Variants in STAT5B observed in about 807,000 individuals in gnomAD.
STAT5B encodes transcription factor STAT5B.
STAT5B carries 21 observed loss-of-function variants against 107.8 expected under a neutral mutation model. The ratio of observed to expected loss-of-function variants is 0.19; its 90% CI spans 0.14 to 0.28. STAT5B has a LOEUF of 0.28. Among genes scored for constraint, STAT5B ranks in the 10% least tolerant of loss-of-function variants. The pLI, the probability that STAT5B is intolerant of heterozygous loss-of-function variation, is 1.00. For missense variants in STAT5B, 565 were observed against 1,008.2 expected (o/e 0.56, Z 5.95); for synonymous variants, 325 against 401.7 (o/e 0.81, Z 2.28).
Position 42,202,396 on chromosome 17 carries a change from G to C in STAT5B, c.2181C>G (p.Asp727Glu). Reference protein sequence around the residue: ...DAGGGSATYMDQAPSPAVCPQ... With the variant: ...DAGGGSATYMEQAPSPAVCPQ... ...GACACACAGCTGGGGAGGGGGCCTG[G>C]TCCATGTACGTGGCGCTGCCGCCCC... Residue 727 changes from aspartate (D) to glutamate (E), a missense_variant, in exon 18 of 19, where the codon GAC becomes GAG. Transcript: ENST00000293328. The C allele has an allele frequency of 6.2e-7, 1 of 1,614,248 alleles. No individual in the cohort carries two copies. Among genetic ancestry groups the C allele is most frequent in the African/African-American group, 1.3e-5 (1 of 75,066 alleles).
intron 3 of STAT5B, among the ~76,000 whole-genome samples, chr17:42,226,988 T>G (rs1225575182): frequency 1.5e-5 from 2 of 133,436 alleles, no homozygotes; most frequent in African/African-American, 2.8e-5. Context: ...AAAAAAAAAC[T>G]GCCAGGCATG....
intron 13 of STAT5B, among the ~76,000 whole-genome samples, chr17:42,210,755 C>T (rs2144220405): frequency 6.6e-6 from 1 of 152,256 alleles, no homozygotes; most frequent in African/African-American, 2.4e-5. Flanking sequence ...TGGGCTGACC[C>T]GTCCCTTGCT....
chr17:42,249,966 C>T (rs943342171), intron 1 of STAT5B, among the ~76,000 whole-genome samples: 2 of 152,084 alleles, frequency 1.3e-5, no homozygotes, highest in African/African-American at 4.8e-5. Flanking sequence ...CAAACCCAGA[C>T]TTCTTTAAAT....
At position 42,276,163 on chromosome 17, in the gene STAT5B, C is replaced by G. The variant is rs969896568; in HGVS notation, c.-11+85G>C. On this transcript the variant is annotated intron_variant, in intron 1 of 18. Transcript: ENST00000293328. The surrounding 1 kb of genome is among the most constrained non-coding windows in gnomAD (Gnocchi z 4.8). ...GGCGCGGCCCTGACGGGCGGCTGAG[C>G]GGCTGGAGCGCGGGCCCCGCCCGGG... The G allele has an allele frequency of 8.1e-5, 12 of 148,732 alleles. No individual in the cohort carries two copies. Among genetic ancestry groups the G allele is most frequent in the African/African-American group, 2.9e-4 (12 of 40,962 alleles). 9.2% of individuals were successfully genotyped at this position (148,732 alleles called of 1,614,324 possible). A position where few individuals can be genotyped will look rare whatever the true frequency, so the allele number is the denominator to read the frequency against.
At chr17:42,263,383 T>C (rs142170970) in intron 1 of STAT5B, among the ~76,000 whole-genome samples, 314 of 152,186 alleles carry the variant, frequency 2.1e-3, no homozygotes, top group African/African-American at 7.3e-3. Flanking sequence ...ACAAACTCTT[T>C]TTTCTGCTTC....
chr17:42,209,947 C>A (rs1037869375), intron 15 of STAT5B, among the ~76,000 whole-genome samples: 1 of 152,136 alleles, frequency 6.6e-6, no homozygotes, highest in African/African-American at 2.4e-5. Context: ...TCATGTGTAA[C>A]CATGCTGCCA....
chr17:42,206,321 C>T (rs928457752), intron 16 of STAT5B, among the ~76,000 whole-genome samples: 8 of 152,138 alleles, frequency 5.3e-5, no homozygotes, highest in African/African-American at 1.9e-4. Flanking sequence ...AACTCCTGAC[C>T]TCAGGTGATA....
In STAT5B at chr17:42,218,324, G is replaced by T. The variant is rs1017541480; in HGVS notation, c.996C>A (p.Phe332Leu). The T allele has an allele frequency of 6.2e-7, 1 of 1,613,544 alleles. No individual in the cohort carries two copies. The highest frequency in any genetic ancestry group is 1.3e-5 in the African/African-American group (1 of 74,824). ...DIISALVTST[F>L]IIEKQPPQVL... The stretch of plus-strand genomic sequence containing the variant: ...CCTGAGGAGGCTGCTTCTCAATGAT[G>T]AACGTGCTGCAGGGGACACAGGGAC... The change falls in exon 9 of 19, where the codon TTC becomes TTA. Residue 332 changes from phenylalanine (F) to leucine (L), a missense_variant. This residue lies in a region of STAT5B where 48 missense variants were observed against 106.5 expected (regional missense o/e 0.45). Coordinates refer to ENST00000293328, the MANE Select transcript of STAT5B (RefSeq NM_012448.4).
intron 1 of STAT5B, among the ~76,000 whole-genome samples, chr17:42,263,715 T>G (rs1346727763): frequency 6.6e-6 from 1 of 152,006 alleles, no homozygotes; most frequent in Non-Finnish European, 1.5e-5. Flanking sequence ...TTTGTAGAGA[T>G]AGGGTCTTGC....
chr17:42,227,658 C>T lies in STAT5B; in HGVS notation c.156G>A (p.Gln52=), dbSNP rs2144282233. 1 of 1,614,082 alleles carries T rather than the reference C, an allele frequency of 6.2e-7. No individual in the cohort carries two copies. Among genetic ancestry groups the T allele is most frequent in the East Asian group, 2.2e-5 (1 of 44,880 alleles). The change falls in exon 3 of 19, where the codon CAG becomes CAA. Residue 52 remains glutamine (Q), a synonymous_variant. Transcript: ENST00000293328. The part of the protein sequence containing the change: ...AWDSVDLDNP[Q]ENIKATQLLE... Reference sequence around the variant, plus strand: ...GGAGCTGGGTGGCCTTAATGTTCTCCTGTGGATTATCAAGATCTACTGAGT... The same window carrying T: ...GGAGCTGGGTGGCCTTAATGTTCTCTTGTGGATTATCAAGATCTACTGAGT...
At chr17:42,286,233 C>CAAAAA in the STAT5B span, among the ~76,000 whole-genome samples, 1 of 52,390 alleles carries the variant, frequency 1.9e-5, no homozygotes, top group Non-Finnish European at 3.6e-5. Flanking sequence ...AACTCCATCT[C>CAAAAA]AAAAAAAAAA....
At position 42,214,662 on chromosome 17, in the gene STAT5B, G is replaced by A. The variant is rs79283888; in HGVS notation, c.1473+1352C>T. On this transcript the variant is annotated intron_variant, in intron 12 of 18. Coordinates refer to ENST00000293328, the MANE Select transcript of STAT5B (RefSeq NM_012448.4). ...GTTGGATATACTTAGAGAAGGACAT[G>A]CTCTTATGTCCCAAATGATAACCCT... 3,029 of 965,678 alleles carry A rather than the reference G, an allele frequency of 3.1e-3. 70 individuals are homozygous for A. The African/African-American group carries it at 0.05, about 16-fold the overall frequency. 59.8% of individuals were successfully genotyped at this position (965,678 alleles called of 1,614,324 possible). A position where few individuals can be genotyped will look rare whatever the true frequency, so the allele number is the denominator to read the frequency against.
chr17:42,246,442 T>C (rs766436493), intron 1 of STAT5B, among the ~76,000 whole-genome samples: 13 of 152,194 alleles, frequency 8.5e-5, no homozygotes, highest in Non-Finnish European at 1.8e-4. Flanking sequence ...TTCAAATATA[T>C]AGTGCCTTAA....
chr17:42,217,686 G>C, intron 9 of STAT5B: 22 of 522,114 alleles, frequency 4.2e-5, no homozygotes, highest in East Asian at 1.1e-4. Flanking sequence ...GTTCCTAAGA[G>C]AACTTTTTTT....
At chr17:42,220,384 T>G (rs1385214285) in intron 5 of STAT5B, among the ~76,000 whole-genome samples, 1 of 152,160 alleles carries the variant, frequency 6.6e-6, no homozygotes, top group African/African-American at 2.4e-5. Flanking sequence ...TCGTGCTTCT[T>G]GGTTAACGGG....
At chr17:42,216,746 A>T (rs983264396) in intron 11 of STAT5B, among the ~76,000 whole-genome samples, 1 of 149,992 alleles carries the variant, frequency 6.7e-6, no homozygotes, top group African/African-American at 2.5e-5. Context: ...GCTGGAGTGC[A>T]GTGGCACAAT....
rs2080764633 is a variant in STAT5B, at chr17:42,276,257, C to G, written c.-20G>C. 1 of 147,440 alleles carries G rather than the reference C, an allele frequency of 6.8e-6. No individual in the cohort carries two copies. Among genetic ancestry groups the G allele is most frequent in the Non-Finnish European group, 1.5e-5 (1 of 66,192 alleles). 9.1% of individuals were successfully genotyped at this position (147,440 alleles called of 1,614,324 possible). On this transcript the variant is annotated 5_prime_UTR_variant, in exon 1 of 19. Coordinates refer to ENST00000293328, the MANE Select transcript of STAT5B (RefSeq NM_012448.4). This position sits in a 1 kb window ranked among gnomAD's most constrained non-coding sequence, Gnocchi z 4.8. ...GCCCCGCAGCTCCTACCTCGCTCGG[C>G]CCCTCGGGCGCCCGCGGCTGCTCCG...
rs1317191851 is a variant in STAT5B, at chr17:42,260,360, G to A, written c.-11+15888C>T. Among the ~76,000 whole-genome samples the A allele has an allele frequency of 3.3e-5, 5 of 151,918 alleles. No homozygotes were observed. The South Asian group carries it at 8.3e-4, about 25-fold the overall frequency. On this transcript the variant is annotated intron_variant, in intron 1 of 18. Coordinates refer to ENST00000293328, the MANE Select transcript of STAT5B (RefSeq NM_012448.4). The stretch of plus-strand genomic sequence containing the variant: ...ATACACACCAGATTTTGAAGCATTC[G>A]TACAAAAAAAGGAATGTAAAATATC...
rs930222978 is a variant in STAT5B at position 42,276,324 on chromosome 17, C to T, written c.-87G>A. Reference sequence around the variant, plus strand: ...TGCCCGCCCGCCCGCTCGCTCCCTCCCTCGGCCGGGCCGCCGCGCGGAGTT... The same window carrying T: ...TGCCCGCCCGCCCGCTCGCTCCCTCTCTCGGCCGGGCCGCCGCGCGGAGTT... On this transcript the variant is annotated 5_prime_UTR_variant, in exon 1 of 19. Coordinates refer to ENST00000293328, the MANE Select transcript of STAT5B (RefSeq NM_012448.4). This position sits in a 1 kb window ranked among gnomAD's most constrained non-coding sequence, Gnocchi z 4.8. 6 of 147,220 alleles carry T rather than the reference C, an allele frequency of 4.1e-5. No individual in the cohort carries two copies. Among genetic ancestry groups the T allele is most frequent in the African/African-American group, 1.5e-4 (6 of 40,904 alleles). 9.1% of individuals were successfully genotyped at this position (147,220 alleles called of 1,614,324 possible). A position where few individuals can be genotyped will look rare whatever the true frequency, so the allele number is the denominator to read the frequency against.
Sources: allele counts gnomAD v4.1 joint callset (sites outside exome capture counted in the v4.1 genomes callset), GRCh38; gene constraint gnomAD v4.1.1; regional missense constraint gnomAD v4.1.1; non-coding constraint Gnocchi (gnomAD v3.1); transcripts MANE v1.5; gene names NCBI Gene and HGNC (gene_info 2026-07-23, HGNC 2026-07-21).